The following VPS13D variants were observed in gnomAD, a reference collection of about 807,000 sequenced individuals.
VPS13D encodes the protein vacuolar protein sorting 13 homolog D, also known as intermembrane lipid transfer protein VPS13D.
In VPS13D, 187 loss-of-function variants were observed where a neutral mutation model predicts 461.9. That is an observed-to-expected ratio of 0.40 (90% CI 0.36 to 0.46). The LOEUF is 0.46. Ranked by LOEUF, VPS13D falls within the 20% of genes least tolerant of loss-of-function variation. The pLI, the probability that VPS13D is intolerant of heterozygous loss-of-function variation, is 0.60. For missense variants in VPS13D, 4,711 were observed against 5,364.9 expected, an observed-to-expected ratio of 0.88 and a Z score of 3.81; for synonymous variants, 1,951 against 1,986.3, an observed-to-expected ratio of 0.98 and a Z score of 0.47.
intron 66 of VPS13D, 50 bp from the exon 67 acceptor site, chr1:12,460,150 CT>C (rs1645390234): frequency 1.4e-6 from 2 of 1,467,938 alleles, no homozygotes; most frequent in South Asian, 1.4e-5. Context: ...GCTTTAAATG[CT>C]TTTGCTTTTG....
chr1:12,507,368 A>G lies in VPS13D; in HGVS notation c.13035+275A>G, dbSNP rs1570306174. ...CCGTAGATGTAGTGAGGGTAACAAT[A>G]CTTACTCTCGTTGGTGATAAGGAAC... On this transcript the variant is annotated intron_variant, in intron 69 of 69. Transcript: ENST00000620676. The surrounding 1 kb of genome is among the most constrained non-coding windows in gnomAD (Gnocchi z 5.3). 1.5e-6 allele frequency: 1 copy of G among 667,764 alleles called. No homozygotes were observed. Among genetic ancestry groups the G allele is most frequent in the East Asian group, 3.1e-5 (1 of 32,208 alleles). 41.4% of individuals were successfully genotyped at this position (667,764 alleles called of 1,614,324 possible).
Position 12,234,199 on chromosome 1 carries a change from G to T in VPS13D, c.-68G>T. ...TTATTTTCCTTTCATAGATTTTTCT[G>T]TGACCATGAAAGAGAGAAATAAAGA... On this transcript the variant is annotated 5_prime_UTR_variant, in exon 2 of 70. Transcript: ENST00000620676. The T allele has an allele frequency of 8.7e-7, 1 of 1,149,178 alleles. No homozygotes were observed. Among genetic ancestry groups the T allele is most frequent in the Non-Finnish European group, 1.3e-6 (1 of 784,164 alleles). 71.2% of individuals were successfully genotyped at this position (1,149,178 alleles called of 1,614,324 possible).
intron 18 of VPS13D, 86 bp from the exon 19 acceptor site, chr1:12,275,739 T>G: frequency 1.4e-6 from 2 of 1,396,928 alleles, no homozygotes; most frequent in Non-Finnish European, 1.9e-6. Context: ...GGTTGGTTGA[T>G]TCTCTACCTT....
At chr1:12,301,287 C>A (rs971657977) in intron 25 of VPS13D, among the ~76,000 whole-genome samples, 1 of 152,180 alleles carries the variant, frequency 6.6e-6, no homozygotes, top group Admixed American at 6.5e-5. Flanking sequence ...CCCCACAGGT[C>A]CCTAAAGACT....
Position 12,299,899 on chromosome 1 carries a change from AC to A in VPS13D, c.6216+517del, listed in dbSNP as rs922103971. Among the ~76,000 whole-genome samples the A allele has an allele frequency of 1.4e-5, 2 of 145,290 alleles. No homozygotes were observed. Among genetic ancestry groups the A allele is most frequent in the African/African-American group, 5.1e-5 (2 of 39,442 alleles). On this transcript the variant is annotated intron_variant, in intron 25 of 69. Coordinates refer to ENST00000620676, the MANE Select transcript of VPS13D (RefSeq NM_015378.4). This position sits in a 1 kb window ranked among gnomAD's most constrained non-coding sequence, Gnocchi z 4.2. ...CTTTACAGTTTTAAATTACTGTGGC[AC>A]CTTTTTTTTTTTTTCAACTTTTGTT...
At chr1:12,305,209 C>T (rs556400621) in intron 26 of VPS13D, among the ~76,000 whole-genome samples, 59 of 152,342 alleles carry the variant, frequency 3.9e-4, no homozygotes, top group Admixed American at 5.2e-4. Context: ...TGGTGTTCTT[C>T]TCTCCAATAT....
chr1:12,297,426 CT>C (rs1642307653), intron 24 of VPS13D, among the ~76,000 whole-genome samples: 1 of 152,164 alleles, frequency 6.6e-6, no homozygotes, highest in Non-Finnish European at 1.5e-5. Context: ...CACCTAGCAA[CT>C]GGTATAGTAA....
At chr1:12,451,742 A>T (rs1645264570) in intron 65 of VPS13D, among the ~76,000 whole-genome samples, 1 of 152,094 alleles carries the variant, frequency 6.6e-6, no homozygotes, top group African/African-American at 2.4e-5. Flanking sequence ...TGCTGGGGGG[A>T]TATGCCATGC....
Position 12,495,505 on chromosome 1 carries a change from G to A in VPS13D, c.12663-1995G>A, listed in dbSNP as rs147544976. 4.7e-3 allele frequency among the ~76,000 whole-genome samples: 712 copies of A among 152,228 alleles called. 3 individuals are homozygous for A. Among genetic ancestry groups the A allele is most frequent in the African/African-American group, 0.016 (685 of 41,542 alleles). On this transcript the variant is annotated intron_variant, in intron 67 of 69. Coordinates refer to ENST00000620676, the MANE Select transcript of VPS13D (RefSeq NM_015378.4). This position sits in a 1 kb window ranked among gnomAD's most constrained non-coding sequence, Gnocchi z 4.0. ...CCATTCTCATTGCCATGAGGAGAGT[G>A]GACAAGGATGGAAGGAAAGAGAACA...
At chr1:12,414,131 A>G (rs892930885) in intron 63 of VPS13D, among the ~76,000 whole-genome samples, 4 of 152,108 alleles carry the variant, frequency 2.6e-5, no homozygotes, top group Non-Finnish European at 4.4e-5. Flanking sequence ...AAAAAATACA[A>G]AAATTAGCTG....
chr1:12,411,492 G>A (rs1644727650), intron 63 of VPS13D, among the ~76,000 whole-genome samples: 2 of 148,894 alleles, frequency 1.3e-5, no homozygotes, highest in African/African-American at 5.0e-5. Flanking sequence ...AAGGAAGGAA[G>A]GAGGGAGGGA....
chr1:12,286,687 G>C (rs559859065), intron 21 of VPS13D, among the ~76,000 whole-genome samples: 1 of 152,270 alleles, frequency 6.6e-6, no homozygotes, highest in African/African-American at 2.4e-5. Context: ...GCTTCCTGTT[G>C]CATTGAGGCA....
At chr1:12,353,828 C>T (rs907939451) in intron 46 of VPS13D, 146 bp from the exon 47 acceptor site, 14 of 822,140 alleles carry the variant, frequency 1.7e-5, no homozygotes, top group Non-Finnish European at 5.6e-6. Context: ...GCATTTATAT[C>T]TTAATAAATG....
chr1:12,253,010 T>C (rs961514508), intron 6 of VPS13D, among the ~76,000 whole-genome samples: 1 of 151,652 alleles, frequency 6.6e-6, no homozygotes, highest in East Asian at 1.9e-4. Context: ...AATACAAAGT[T>C]AGCCGGGCAT....
rs72866658 is a variant in VPS13D, at chr1:12,319,732, A to C, written c.7548+102A>C. 58,816 of 1,537,586 alleles carry C rather than the reference A, an allele frequency of 0.038. 2,162 individuals are homozygous for C. Among genetic ancestry groups the C allele is most frequent in the Admixed American group, 0.17 (8,976 of 53,140 alleles). On this transcript the variant is annotated intron_variant, in intron 32 of 69. Transcript: ENST00000620676. ...TAAACTTTCATGAGGGGAAGGAATT[A>C]ATGAAATTGGAAGACCCTTGCCCTC...
At chr1:12,236,919 A>G (rs1640166538) in intron 2 of VPS13D, among the ~76,000 whole-genome samples, 1 of 152,112 alleles carries the variant, frequency 6.6e-6, no homozygotes, top group Admixed American at 6.6e-5. Context: ...GAGGACTAAG[A>G]AATTAATGTG....
chr1:12,391,081 C>T (rs993306913), intron 60 of VPS13D, among the ~76,000 whole-genome samples: 6 of 152,318 alleles, frequency 3.9e-5, no homozygotes, highest in East Asian at 1.9e-4. Flanking sequence ...CTTCCAAGTC[C>T]CTGACCATCC....
In VPS13D at chr1:12,333,623, C is replaced by G. The variant is rs184006805; in HGVS notation, c.8428+257C>G. 1.5e-3 allele frequency among the ~76,000 whole-genome samples: 230 copies of G among 152,342 alleles called. 1 individual carries two copies. The highest frequency in any genetic ancestry group is 8.5e-3 in the South Asian group (41 of 4,826). On this transcript the variant is annotated intron_variant, in intron 38 of 69. Transcript: ENST00000620676. ...AGGAAACGTAAATGGCCGTGATGGA[C>G]TTTCTCCTCATAATGCTTGGTCACT...
chr1:12,266,652 G>A (rs1265342530), intron 13 of VPS13D, among the ~76,000 whole-genome samples: 2 of 152,236 alleles, frequency 1.3e-5, no homozygotes, highest in Non-Finnish European at 2.9e-5. Flanking sequence ...AAACATTTGT[G>A]TGACTTGCTT....
Sources: allele counts gnomAD v4.1 joint callset (sites outside exome capture counted in the v4.1 genomes callset), GRCh38; gene constraint gnomAD v4.1.1; non-coding constraint Gnocchi (gnomAD v3.1); transcripts MANE v1.5; gene names NCBI Gene and HGNC (gene_info 2026-07-23, HGNC 2026-07-21).